CBLIF: variants seen among roughly 807,000 people sequenced by gnomAD.
CBLIF encodes the protein cobalamin binding intrinsic factor, also known as gastric intrinsic factor (vitamin B synthesis).
CBLIF carries 24 observed loss-of-function variants against 44.9 expected under a neutral mutation model. The observed-to-expected ratio is 0.53, with a 90% CI of 0.39 to 0.75. CBLIF has a LOEUF of 0.75. CBLIF is among the 30% of genes least tolerant of loss of function. CBLIF has a pLI of 0.00. For synonymous variants in CBLIF, 183 were observed against 190.9 expected (o/e 0.96, Z 0.34); for missense variants, 481 against 513.0 (o/e 0.94, Z 0.60).
At chr11:59,845,211 T>C (rs1219241299) in intron 1 of CBLIF, 164 bp downstream of exon 1, 4 of 929,210 alleles carry the variant, frequency 4.3e-6, no homozygotes, top group Admixed American at 2.0e-5. Context: ...AAAGAACTTA[T>C]GCTATTAAGT....
Position 59,843,942 on chromosome 11 carries a change from C to T in CBLIF, c.193G>A (p.Gly65Arg), listed in dbSNP as rs11825834. 2,041 of 1,613,066 alleles carry T rather than the reference C, an allele frequency of 1.3e-3. 13 individuals are homozygous for T. The African/African-American group carries it at 0.024, about 19-fold the overall frequency. The change falls in exon 2 of 9, where the codon GGA becomes AGA. Residue 65 changes from glycine to arginine, a missense_variant. Coordinates refer to ENST00000257248, the MANE Select transcript of CBLIF (RefSeq NM_005142.3). ...TTCTGGGCCTTCAAGTTGTAGGCTC[C>T]GGCCAGATTCATGGCAATCAGGATG... ...PSILIAMNLA[G>R]AYNLKAQKLL...
intron 5 of CBLIF, 117 bp downstream of exon 5, chr11:59,841,026 A>G: frequency 1.2e-6 from 1 of 822,390 alleles, no homozygotes; most frequent in Non-Finnish European, 2.2e-6. Flanking sequence ...CAAAGAATAT[A>G]TCTCAGGTCA....
chr11:59,837,205 G>T lies in CBLIF; in HGVS notation c.840C>A (p.Tyr280Ter). 6.2e-7 allele frequency: 1 copy of T among 1,614,046 alleles called. No homozygotes were observed. Among genetic ancestry groups the T allele is most frequent in the Non-Finnish European group, 8.5e-7 (1 of 1,179,902 alleles). ...QILPSLKGKT[Y>*]LDVPQVTCSP... ...TACAAGTGACCTGGGGCACATCTAG[G>T]TATGTCTTGCCTTTCAGGGAAGGGA... Residue 280 changes from tyrosine (Y) to a stop codon, truncating the protein, a stop_gained, in exon 6 of 9, where the codon TAC (tyrosine) becomes TAA (stop). Transcript: ENST00000257248. LOFTEE classifies it high-confidence loss of function.
At chr11:59,831,238 T>C (rs1437341385) in intron 8 of CBLIF, among the ~76,000 whole-genome samples, 2 of 152,248 alleles carry the variant, frequency 1.3e-5, no homozygotes, top group Non-Finnish European at 2.9e-5. Flanking sequence ...AACATCCATA[T>C]GCAGGCATTC....
rs1866337832 is a variant in CBLIF, at chr11:59,829,407, C to A, written c.*77G>T. On this transcript the variant is annotated 3_prime_UTR_variant, in exon 9 of 9. Coordinates refer to ENST00000257248, the MANE Select transcript of CBLIF (RefSeq NM_005142.3). ...AGCATCACAGGCATTCGCTTTTTTGCATAGATTTAAAATGAAGTGGAAAAA... is the reference window on the plus strand; with the variant it reads ...AGCATCACAGGCATTCGCTTTTTTGAATAGATTTAAAATGAAGTGGAAAAA... The A allele has an allele frequency of 3.3e-6, 3 of 906,708 alleles. No individual in the cohort carries two copies. The highest frequency in any genetic ancestry group is 1.7e-5 in the Admixed American group (1 of 57,998). The allele number at this position is 906,708 out of a possible 1,614,324, so 56.2% of individuals were successfully genotyped here. A position where few individuals can be genotyped will look rare whatever the true frequency, so the allele number is the denominator to read the frequency against.
intron 5 of CBLIF, among the ~76,000 whole-genome samples, chr11:59,840,662 G>A (rs1487754814): frequency 6.6e-6 from 1 of 151,948 alleles, no homozygotes; most frequent in African/African-American, 2.4e-5. Context: ...TCAACTTTAG[G>A]TTATTTTCCT....
Position 59,843,876 on chromosome 11 carries a change from C to A in CBLIF, c.256+3G>T. On this transcript the variant is annotated splice_donor_region_variant and intron_variant, in intron 2 of 8. Coordinates refer to ENST00000257248, the MANE Select transcript of CBLIF (RefSeq NM_005142.3). ...GAGAGTGCGAGCGGCTCAGATGTCTCACCGTTGTTGTCGCTGGACATGAGC... is the reference window on the plus strand; with the variant it reads ...GAGAGTGCGAGCGGCTCAGATGTCTAACCGTTGTTGTCGCTGGACATGAGC... 1 of 1,610,096 alleles carries A rather than the reference C, an allele frequency of 6.2e-7. No individual in the cohort carries two copies. Among genetic ancestry groups the A allele is most frequent in the South Asian group, 1.1e-5 (1 of 90,952 alleles).
chr11:59,841,736 G>A (rs371853518), intron 4 of CBLIF, among the ~76,000 whole-genome samples: 1 of 152,172 alleles, frequency 6.6e-6, no homozygotes, highest in Admixed American at 6.5e-5. Flanking sequence ...AACAAGAGAG[G>A]TTGCTGATGG....
intron 2 of CBLIF, 80 bp from the exon 3 acceptor site, chr11:59,843,221 C>T: frequency 1.2e-6 from 1 of 827,180 alleles, no homozygotes; most frequent in South Asian, 1.4e-5. Context: ...GAGTTCTCTG[C>T]TTTTTATCTA....
intron 5 of CBLIF, among the ~76,000 whole-genome samples, chr11:59,839,091 T>C (rs111318859): frequency 0.11 from 15,997 of 152,074 alleles, 1,457 homozygotes; most frequent in African/African-American, 0.24. Context: ...CCAAGTGATC[T>C]GCCCGCCTCG....
At position 59,841,194 on chromosome 11, in the gene CBLIF, G is replaced by T; in HGVS notation, c.642C>A (p.Ile214=). ...KDIVEKISMK[I]KDNGIIGDIY... ...TGTCTCCAATGATGCCATTATCTTT[G>T]ATCTTCATGCTGATTTTCTCCACAA... Residue 214 remains isoleucine, a synonymous_variant, in exon 5 of 9, where the codon ATC becomes ATA. Transcript: ENST00000257248. 6.2e-7 allele frequency: 1 copy of T among 1,613,622 alleles called. No homozygotes were observed. The highest frequency in any genetic ancestry group is 8.5e-7 in the Non-Finnish European group (1 of 1,179,516).
intron 7 of CBLIF, among the ~76,000 whole-genome samples, chr11:59,833,385 C>T (rs1283563278): frequency 2.6e-5 from 4 of 151,858 alleles, no homozygotes; most frequent in East Asian, 1.9e-4. Flanking sequence ...GGCATCGTGG[C>T]GGGTGCCTAT....
Position 59,840,405 on chromosome 11 carries a change from G to T in CBLIF, c.693+738C>A, listed in dbSNP as rs144143995. ...GGGATTAGAGGATTCAGCCACAGAT[G>T]GTTGCTAGTTTCTGATTCTAGTTGG... is the stretch of plus-strand genomic sequence containing the variant. On this transcript the variant is annotated intron_variant, in intron 5 of 8. Transcript: ENST00000257248. Among the ~76,000 whole-genome samples, 5 of 152,262 alleles carry T rather than the reference G, an allele frequency of 3.3e-5. No individual in the cohort carries two copies. The East Asian group carries it at 7.7e-4, about 23-fold the overall frequency.
chr11:59,839,295 A>C (rs1183098473), intron 5 of CBLIF, among the ~76,000 whole-genome samples: 1 of 151,996 alleles, frequency 6.6e-6, no homozygotes, highest in African/African-American at 2.4e-5. Context: ...GGGCCACTGG[A>C]AGTGTACTGA....
chr11:59,829,311 G>A lies in CBLIF; in HGVS notation c.*173C>T, dbSNP rs1280187619. 1.6e-6 allele frequency: 1 copy of A among 617,226 alleles called. No individual in the cohort carries two copies. The highest frequency in any genetic ancestry group is 3.0e-6 in the Non-Finnish European group (1 of 331,962). The allele number at this position is 617,226 out of a possible 1,614,324, so 38.2% of individuals were successfully genotyped here. ...AATTTTATTTTCATGAGTCATAGATGTTGAGACTCCAGTGAACTTTGCATT... is the reference window on the plus strand; with the variant it reads ...AATTTTATTTTCATGAGTCATAGATATTGAGACTCCAGTGAACTTTGCATT... On this transcript the variant is annotated 3_prime_UTR_variant, in exon 9 of 9. Coordinates refer to ENST00000257248, the MANE Select transcript of CBLIF (RefSeq NM_005142.3).
intron 7 of CBLIF, among the ~76,000 whole-genome samples, chr11:59,834,236 TTCTTTTTCTTTCTTTCTTTCTTTC>T (rs1565207316): frequency 3.4e-5 from 5 of 148,936 alleles, no homozygotes; most frequent in African/African-American, 1.3e-4. Context: ...CTTTCTTTCT[TTCTTTTTCTTTCTTTCTTTCTTTC>T]TTTCTTTCTT....
rs1866380093 is a variant in CBLIF, at chr11:59,831,884, A to G, written c.1074-88T>C. On this transcript the variant is annotated intron_variant, in intron 7 of 8. Coordinates refer to ENST00000257248, the MANE Select transcript of CBLIF (RefSeq NM_005142.3). ...AAGGGATAGAGACAGTCAATTAATTAATTAGTTAATTAATTTTTTAGAGAC... is the reference window on the plus strand; with the variant it reads ...AAGGGATAGAGACAGTCAATTAATTGATTAGTTAATTAATTTTTTAGAGAC... 6 of 742,618 alleles carry G rather than the reference A, an allele frequency of 8.1e-6. No individual in the cohort carries two copies. In the Admixed American group the frequency reaches 1.1e-4, roughly 13 times the overall value. The allele number at this position is 742,618 out of a possible 1,614,324, so 46.0% of individuals were successfully genotyped here.
In CBLIF at chr11:59,829,474, CA is replaced by C. The variant is rs1215595680; in HGVS notation, c.*9del. On this transcript the variant is annotated 3_prime_UTR_variant, in exon 9 of 9. Transcript: ENST00000257248. ...GGAGATGTTTGATAGAAGCTGAACC[CA>C]CCTCTTCGTTAGTACTGTGTGAAAT... 2.5e-6 allele frequency: 4 copies of C among 1,583,952 alleles called. No homozygotes were observed. The highest frequency in any genetic ancestry group is 3.5e-6 in the Non-Finnish European group (4 of 1,152,324).
At chr11:59,840,869 A>G (rs1590859255) in intron 5 of CBLIF, 2 of 342,864 alleles carry the variant, frequency 5.8e-6, no homozygotes, top group East Asian at 1.2e-4. Flanking sequence ...ATAAATTAAT[A>G]TATTTCTTGA....
Sources: gnomAD v4.1 joint callset for allele counts (sites outside exome capture counted in the v4.1 genomes callset) on GRCh38, gnomAD v4.1.1 for gene constraint, MANE v1.5 for transcripts, NCBI Gene and HGNC (gene_info 2026-07-23, HGNC 2026-07-21) for gene names.